The following FUT8 variants were observed in gnomAD, a reference collection of about 807,000 sequenced individuals.
FUT8 encodes the protein fucosyltransferase 8, also known as alpha-(1,6)-fucosyltransferase.
A neutral mutation model predicts 71.3 loss-of-function variants in FUT8; 29 were observed. The observed-to-expected ratio is 0.41, with a 90% CI of 0.30 to 0.55. The LOEUF is 0.55. Among genes scored for constraint, FUT8 ranks in the 20% least tolerant of loss-of-function variants. The pLI is 0.34. For missense variants in FUT8, 544 were observed against 702.1 expected, an observed-to-expected ratio of 0.77 and a Z score of 2.55; for synonymous variants, 254 against 239.3, an observed-to-expected ratio of 1.06 and a Z score of -0.57.
chr14:65,450,944 C>T (rs968136836), intron 1 of FUT8, among the ~76,000 whole-genome samples: 14 of 151,952 alleles, frequency 9.2e-5, no homozygotes, highest in Middle Eastern at 3.4e-3. Flanking sequence ...GCAAGCTCCG[C>T]CTCCCAGGTT....
chr14:65,633,838 G>C (rs1395108685), intron 6 of FUT8, among the ~76,000 whole-genome samples: 1 of 151,958 alleles, frequency 6.6e-6, no homozygotes. Context: ...CACCCTGTCC[G>C]GGAGGGAGGT....
intron 6 of FUT8, among the ~76,000 whole-genome samples, chr14:65,665,138 C>T (rs1440360591): frequency 6.6e-6 from 1 of 152,018 alleles, no homozygotes; most frequent in Non-Finnish European, 1.5e-5. Context: ...TGTTCCATGC[C>T]TGATATTTTG....
chr14:65,701,066 A>G (rs1483912677), intron 7 of FUT8, among the ~76,000 whole-genome samples: 1 of 152,200 alleles, frequency 6.6e-6, no homozygotes, highest in Non-Finnish European at 1.5e-5. Flanking sequence ...TTCACTGACA[A>G]GAATAATGTT....
chr14:65,469,745 C>T (rs1479414515), intron 2 of FUT8, among the ~76,000 whole-genome samples: 3 of 152,308 alleles, frequency 2.0e-5, no homozygotes, highest in Admixed American at 6.5e-5. Flanking sequence ...TCCCAGCTCT[C>T]AGCAGAGACG....
At chr14:65,530,721 G>A (rs1883891418) in intron 2 of FUT8, among the ~76,000 whole-genome samples, 1 of 151,552 alleles carries the variant, frequency 6.6e-6, no homozygotes, top group Non-Finnish European at 1.5e-5. Context: ...TATAAGAGTT[G>A]AATCTTTTTA....
intron 2 of FUT8, among the ~76,000 whole-genome samples, chr14:65,507,455 CCCA>C (rs2066753660): frequency 6.6e-6 from 1 of 152,178 alleles, no homozygotes; most frequent in Non-Finnish European, 1.5e-5. Context: ...TCTCCCTCAT[CCCA>C]CCACTACCTT....
the FUT8 span, among the ~76,000 whole-genome samples, chr14:65,386,036 C>T: frequency 6.6e-6 from 1 of 151,734 alleles, no homozygotes; most frequent in African/African-American, 2.4e-5. Context: ...CCTGTAATCC[C>T]AGCTACTTGG....
At chr14:65,677,114 T>TTTTGTGTGTGTGTG (rs561803042) in intron 7 of FUT8, among the ~76,000 whole-genome samples, 6 of 110,270 alleles carry the variant, frequency 5.4e-5, no homozygotes, top group African/African-American at 2.0e-4. Flanking sequence ...AAAGACATAT[T>TTTTGTGTGTGTGTG]TGTGTGTGTG....
chr14:65,496,046 C>CT (rs1300582713), intron 2 of FUT8, among the ~76,000 whole-genome samples: 9 of 151,916 alleles, frequency 5.9e-5, no homozygotes, highest in Non-Finnish European at 8.8e-5. Context: ...AGAAAAAAAT[C>CT]ACGTTAAATA....
chr14:65,733,718 G>A (rs947562107), intron 10 of FUT8, among the ~76,000 whole-genome samples: 4 of 152,032 alleles, frequency 2.6e-5, no homozygotes, highest in Non-Finnish European at 5.9e-5. Flanking sequence ...TTTGCATATA[G>A]TCAATATGTA....
chr14:65,573,186 A>G (rs1250806915), intron 3 of FUT8, among the ~76,000 whole-genome samples: 2 of 152,068 alleles, frequency 1.3e-5, no homozygotes, highest in Non-Finnish European at 2.9e-5. Flanking sequence ...ATGTAGAGAA[A>G]CATTTCTTTT....
At chr14:65,698,835 A>G (rs768513776) in intron 7 of FUT8, among the ~76,000 whole-genome samples, 1 of 152,170 alleles carries the variant, frequency 6.6e-6, no homozygotes. Flanking sequence ...CAATAGTGGT[A>G]GTTACTAAGG....
chr14:65,564,795 C>CT, intron 3 of FUT8, among the ~76,000 whole-genome samples: 1 of 152,016 alleles, frequency 6.6e-6, no homozygotes, highest in African/African-American at 2.4e-5. Context: ...TTGAGTCTGT[C>CT]TTTTTTCACT....
intron 3 of FUT8, among the ~76,000 whole-genome samples, chr14:65,582,808 TTGAATGAATGAA>T (rs988704342): frequency 6.6e-6 from 1 of 152,194 alleles, no homozygotes; most frequent in Admixed American, 6.5e-5. Flanking sequence ...TAAATGCTCA[TTGAATGAATGAA>T]TGAATGAATG....
chr14:65,421,999 T>C (rs1404246169), intron 1 of FUT8, among the ~76,000 whole-genome samples: 7 of 152,122 alleles, frequency 4.6e-5, no homozygotes, highest in South Asian at 2.1e-4. Flanking sequence ...CTTTCTGTAG[T>C]GTACTGTGTC....
At position 65,677,149 on chromosome 14, in the gene FUT8, TGTGC is replaced by T. The variant is rs1334845300; in HGVS notation, c.835+7671_835+7674del. On this transcript the variant is annotated intron_variant, in intron 7 of 10. Coordinates refer to ENST00000673929, the MANE Select transcript of FUT8 (RefSeq NM_001371533.1). Reference sequence around the variant, plus strand: ...GTGTGTGTGTGTGTGTGTGTGTGTGTGTGCGCGCGCGCATGCGCGCGCACGTATG... The same window carrying T: ...GTGTGTGTGTGTGTGTGTGTGTGTGTGCGCGCGCATGCGCGCGCACGTATG... 5.1e-3 allele frequency among the ~76,000 whole-genome samples: 430 copies of T among 84,562 alleles called. 3 individuals carry two copies. The highest frequency in any genetic ancestry group is 0.017 in the South Asian group (52 of 2,990). 55.5% of individuals were successfully genotyped at this position (84,562 alleles called of 152,430 possible).
At chr14:65,432,697 C>T (rs1472704118) in intron 1 of FUT8, among the ~76,000 whole-genome samples, 1 of 152,104 alleles carries the variant, frequency 6.6e-6, no homozygotes, top group Non-Finnish European at 1.5e-5. Context: ...CCCACCAAAA[C>T]CAAAATGGCA....
chr14:65,376,848 C>G, the FUT8 span, among the ~76,000 whole-genome samples: 1 of 152,062 alleles, frequency 6.6e-6, no homozygotes, highest in African/African-American at 2.4e-5. Context: ...TCTGTCACCT[C>G]TAGGTAGGGA....
At chr14:65,595,566 T>C (rs1260021390) in intron 3 of FUT8, among the ~76,000 whole-genome samples, 4 of 150,302 alleles carry the variant, frequency 2.7e-5, no homozygotes, top group African/African-American at 9.7e-5. Context: ...ATATTCTTTA[T>C]CAAATAACTT....
Sources: allele counts gnomAD v4.1 joint callset (sites outside exome capture counted in the v4.1 genomes callset), GRCh38; gene constraint gnomAD v4.1.1; transcripts MANE v1.5; gene names NCBI Gene and HGNC (gene_info 2026-07-23, HGNC 2026-07-21).